Variants in HSPG2 observed in about 807,000 individuals in gnomAD.
HSPG2 encodes the protein basement membrane-specific heparan sulfate proteoglycan core protein.
Under a neutral mutation model 526.6 loss-of-function variants are expected in HSPG2, and 278 were observed. The observed-to-expected ratio is 0.53, with a 90% CI of 0.48 to 0.58. The LOEUF (loss-of-function observed/expected upper bound fraction) is 0.58, where lower values mean the gene tolerates loss of function less well. HSPG2 is among the 20% of genes least tolerant of loss of function. HSPG2 has a pLI of 0.00. For missense variants in HSPG2, 5,354 were observed against 6,099.5 expected, an observed-to-expected ratio of 0.88 and a Z score of 4.07; for synonymous variants, 2,465 against 2,555.4, an observed-to-expected ratio of 0.96 and a Z score of 1.07.
In HSPG2 at chr1:21,855,331, C is replaced by T; in HGVS notation, c.5970G>A (p.Arg1990=). Residue 1990 remains arginine (R), a synonymous_variant, in exon 47 of 97, where the codon AGG becomes AGA. Transcript: ENST00000374695. ...GTGGTGGGAGGCTGCCCCCTTCCTT[C>T]CTCCAGGTGATGGTGGCGCTAGGCA... ...AGVPSATITW[R]KEGGSLPPQA... is the part of the protein sequence containing the mutation. 6.2e-7 allele frequency: 1 copy of T among 1,608,158 alleles called. No homozygotes were observed.
rs1407760892 is a variant in HSPG2, at chr1:21,828,835, C to G, written c.12237G>C (p.Glu4079Asp). ...MSAHFRGCVGEVSVNGKRLDL... is the reference protein window; with the variant it reads ...MSAHFRGCVGDVSVNGKRLDL... ...CTTGTCCCGAGGAGGCTGCTCTTAC[C>G]TCGCCCACACAGCCGCGGAAGTGAG... The change falls in exon 88 of 97, where the codon GAG (glutamate) becomes GAC (aspartate). Residue 4079 changes from glutamate (E) to aspartate (D), a missense_variant and splice_region_variant. Transcript: ENST00000374695. The surrounding 1 kb of genome is among the most constrained non-coding windows in gnomAD (Gnocchi z 6.0). 6.4e-7 allele frequency: 1 copy of G among 1,550,604 alleles called. No homozygotes were observed. The highest frequency in any genetic ancestry group is 8.7e-7 in the Non-Finnish European group (1 of 1,146,994).
In HSPG2 at chr1:21,896,290, T is replaced by C. The variant is rs1642742795; in HGVS notation, c.84A>G (p.Ala28=). The part of the protein sequence containing the change: ...RLLAVTHGLR[A]YDGLSLPEDI... ...CCTCAGGCAGAGACAAGCCATCGTA[T>C]GCCCTCAGCCCATGGGTCACCTGTA... Residue 28 remains alanine (A), a synonymous_variant, in exon 2 of 97, where the codon GCA becomes GCG. Coordinates refer to ENST00000374695, the MANE Select transcript of HSPG2 (RefSeq NM_005529.7). The C allele has an allele frequency of 1.2e-6, 2 of 1,613,546 alleles. No individual in the cohort carries two copies. Among genetic ancestry groups the C allele is most frequent in the Non-Finnish European group, 1.7e-6 (2 of 1,179,982 alleles).
chr1:21,852,876 C>T (rs530392760), intron 51 of HSPG2, 43 bp downstream of exon 51: 11 of 1,611,656 alleles, frequency 6.8e-6, no homozygotes, highest in African/African-American at 1.3e-5. Context: ...GGAACAGTCC[C>T]ATCCAGCCCC....
rs371401162 is a variant in HSPG2, at chr1:21,889,993, G to A, written c.562C>T (p.Arg188Cys). Residue 188 changes from arginine (R) to cysteine (C), a missense_variant, in exon 6 of 97, where the codon CGC becomes TGC. Transcript: ENST00000374695. The stretch of plus-strand genomic sequence containing the variant: ...AGGATAGGCTCACCTGTGCCCAGGC[G>A]TCGGAACTGGAATCCCTGGGGAGAG... ...VTSPQGFQFR[R>C]LGTVPQFPRA... The A allele has an allele frequency of 4.4e-5, 71 of 1,614,030 alleles. 1 individual carries two copies. In the South Asian group the frequency reaches 5.2e-4, roughly 12 times the overall value.
At chr1:21,918,239 C>A (rs77506000) in intron 1 of HSPG2, among the ~76,000 whole-genome samples, 1 of 151,998 alleles carries the variant, frequency 6.6e-6, no homozygotes, top group East Asian at 1.9e-4. Flanking sequence ...CCGAGGCAGG[C>A]GGATCACCTG....
At chr1:21,889,911 A>G (rs1446806531) in intron 6 of HSPG2, 70 bp downstream of exon 6, 3 of 1,536,318 alleles carry the variant, frequency 2.0e-6, no homozygotes, top group South Asian at 1.1e-5. Context: ...TTGGGAGCCT[A>G]TGGCAGAGAC....
In HSPG2 at chr1:21,937,305, G is replaced by A; in HGVS notation, c.-88C>T. ...GCCGCCCGCTCGCCGGCCAGCTCGG[G>A]ACAGCGCGGCCCTCTCCCCACCGCC... On this transcript the variant is annotated 5_prime_UTR_variant, in exon 1 of 97. Coordinates refer to ENST00000374695, the MANE Select transcript of HSPG2 (RefSeq NM_005529.7). 1 of 344,980 alleles carries A rather than the reference G, an allele frequency of 2.9e-6. No homozygotes were observed. Among genetic ancestry groups the A allele is most frequent in the Non-Finnish European group, 4.0e-6 (1 of 251,738 alleles). 21.4% of individuals were successfully genotyped at this position (344,980 alleles called of 1,614,324 possible).
At chr1:21,877,943 A>G (rs930806513) in intron 21 of HSPG2, among the ~76,000 whole-genome samples, 2 of 152,234 alleles carry the variant, frequency 1.3e-5, no homozygotes, top group African/African-American at 4.8e-5. Flanking sequence ...TGCAGATACA[A>G]AGGCTGCATA....
chr1:21,928,141 G>C (rs1267317250), intron 1 of HSPG2, among the ~76,000 whole-genome samples: 1 of 152,264 alleles, frequency 6.6e-6, no homozygotes, highest in Admixed American at 6.5e-5. Flanking sequence ...CAAGGTCACA[G>C]AGCCAGTCAG....
chr1:21,832,495 C>T lies in HSPG2; in HGVS notation c.11207G>A (p.Arg3736Gln), dbSNP rs984839674. 1.9e-6 allele frequency: 3 copies of T among 1,613,666 alleles called. No individual in the cohort carries two copies. Among genetic ancestry groups the T allele is most frequent in the East Asian group, 2.2e-5 (1 of 44,880 alleles). ...TAGGTGGGGAGGCTGGGGGTCTCACCGGAACTCGGGCCTTCCCCCCACGAG... is the reference window on the plus strand; with the variant it reads ...TAGGTGGGGAGGCTGGGGGTCTCACTGGAACTCGGGCCTTCCCCCCACGAG... ...FGLVGGRPEFRFDAGSGMATI... is the reference protein window; with the variant it reads ...FGLVGGRPEFQFDAGSGMATI... The change falls in exon 81 of 97, where the codon CGG (arginine) becomes CAG (glutamine). Residue 3736 changes from arginine (R) to glutamine (Q), a missense_variant and splice_region_variant. Physicochemically the swap from Arg to Gln is conservative, Grantham distance 43. Coordinates refer to ENST00000374695, the MANE Select transcript of HSPG2 (RefSeq NM_005529.7).
intron 95 of HSPG2, 186 bp from the exon 96 acceptor site, chr1:21,823,905 C>A: frequency 2.8e-6 from 2 of 723,044 alleles, no homozygotes; most frequent in East Asian, 2.7e-5. Flanking sequence ...CATTTCTGCA[C>A]CCAGGTTTCC....
intron 1 of HSPG2, among the ~76,000 whole-genome samples, chr1:21,935,546 C>T (rs560479759): frequency 2.0e-5 from 3 of 152,348 alleles, no homozygotes; most frequent in South Asian, 2.1e-4. Flanking sequence ...TGGAATGTCG[C>T]TCAGTGATGA....
At chr1:21,879,176 C>A (rs1641321013) in intron 17 of HSPG2, 55 bp from the exon 18 acceptor site, 2 of 1,608,186 alleles carry the variant, frequency 1.2e-6, no homozygotes, top group Non-Finnish European at 8.5e-7. Flanking sequence ...GGGCCAGATG[C>A]TGCGGGGGAC....
intron 74 of HSPG2, among the ~76,000 whole-genome samples, chr1:21,838,499 T>C (rs886982465): frequency 6.6e-6 from 1 of 152,230 alleles, no homozygotes; most frequent in Non-Finnish European, 1.5e-5. Context: ...CTGAGATGCC[T>C]GGGTCCAGGC....
rs2098040726 is a variant in HSPG2 at position 21,839,618 on chromosome 1, G to A, written c.9710-68C>T. The A allele has an allele frequency of 3.9e-6, 6 of 1,552,412 alleles. No homozygotes were observed. In the East Asian group the frequency reaches 1.2e-4, roughly 30 times the overall value. On this transcript the variant is annotated intron_variant, in intron 72 of 96. Coordinates refer to ENST00000374695, the MANE Select transcript of HSPG2 (RefSeq NM_005529.7). This position sits in a 1 kb window ranked among gnomAD's most constrained non-coding sequence, Gnocchi z 4.5. ...TCAGGGACCCGCAGAGGGTGGCCAT[G>A]GTGAGGAAGGGCCCTGGGTGATCCT...
chr1:21,851,700 G>A lies in HSPG2; in HGVS notation c.7007-3C>T, dbSNP rs1478959292. 4 of 1,614,012 alleles carry A rather than the reference G, an allele frequency of 2.5e-6. No individual in the cohort carries two copies. Among genetic ancestry groups the A allele is most frequent in the Non-Finnish European group, 3.4e-6 (4 of 1,180,026 alleles). Reference sequence around the variant, plus strand: ...GATGGGCTGGGTGCTGCCGGCAGCTGAGGGATAAGATGGTCACCGGTCACT... The same window carrying A: ...GATGGGCTGGGTGCTGCCGGCAGCTAAGGGATAAGATGGTCACCGGTCACT... On this transcript the variant is annotated splice_polypyrimidine_tract_variant and splice_region_variant and intron_variant, in intron 54 of 96. Transcript: ENST00000374695.
At position 21,928,922 on chromosome 1, in the gene HSPG2, TTTATTA is replaced by T. The variant is rs144862047; in HGVS notation, c.63+8227_63+8232del. ...TGTGCCACCATGCTTAGCTGATTTT[TTTATTA>T]TTATTATTTTCAGTAGAGACGAGGT... On this transcript the variant is annotated intron_variant, in intron 1 of 96. Coordinates refer to ENST00000374695, the MANE Select transcript of HSPG2 (RefSeq NM_005529.7). Among the ~76,000 whole-genome samples, 1,356 of 152,090 alleles carry T rather than the reference TTTATTA, an allele frequency of 8.9e-3. 21 individuals carry two copies. The highest frequency in any genetic ancestry group is 0.03 in the African/African-American group (1,232 of 41,458).
At chr1:21,881,860 T>C (rs1015207396) in intron 13 of HSPG2, among the ~76,000 whole-genome samples, 15 of 147,440 alleles carry the variant, frequency 1.0e-4, no homozygotes, top group Non-Finnish European at 1.9e-4. Context: ...GCAGAATCAC[T>C]TGAACCCGGG....
In HSPG2 at chr1:21,880,459, G is replaced by A. The variant is rs544346526; in HGVS notation, c.2099C>T (p.Thr700Ile). ...GCTAAGTCCCACGCTGGCCATCTTG[G>A]TGTTGTACACGGTCTGGATGAGCAC... ...EAVLIQTVYNTKMASVGLSDI... is the reference protein window; with the variant it reads ...EAVLIQTVYNIKMASVGLSDI... Residue 700 changes from threonine (T) to isoleucine (I), a missense_variant, in exon 16 of 97, where the codon ACC (threonine) becomes ATC (isoleucine). Coordinates refer to ENST00000374695, the MANE Select transcript of HSPG2 (RefSeq NM_005529.7). 1.9e-6 allele frequency: 3 copies of A among 1,613,988 alleles called. No homozygotes were observed. Among genetic ancestry groups the A allele is most frequent in the Admixed American group, 1.7e-5 (1 of 60,010 alleles).
Sources: allele counts gnomAD v4.1 joint callset (sites outside exome capture counted in the v4.1 genomes callset), GRCh38; gene constraint gnomAD v4.1.1; non-coding constraint Gnocchi (gnomAD v3.1); transcripts MANE v1.5; gene names NCBI Gene and HGNC (gene_info 2026-07-23, HGNC 2026-07-21).